The following SCARB2 variants were observed in gnomAD, a reference collection of about 807,000 sequenced individuals.
SCARB2 encodes scavenger receptor class B member 2, also known as lysosome membrane protein 2.
In SCARB2, 29 loss-of-function variants were observed where a neutral mutation model predicts 58.6. That is an observed-to-expected ratio of 0.49 (90% CI 0.37 to 0.67). The LOEUF (loss-of-function observed/expected upper bound fraction) is 0.67. SCARB2 is among the 30% of genes least tolerant of loss of function. The pLI, the probability that SCARB2 is intolerant of heterozygous loss-of-function variation, is 0.00. For missense variants in SCARB2, 488 were observed against 578.5 expected, an observed-to-expected ratio of 0.84 and a Z score of 1.60; for synonymous variants, 195 against 210.1, an observed-to-expected ratio of 0.93 and a Z score of 0.62.
chr4:76,179,350 G>A (rs747921041), intron 4 of SCARB2, 167 bp downstream of exon 4: 15 of 624,806 alleles, frequency 2.4e-5, no homozygotes, highest in Middle Eastern at 4.3e-4. Context: ...CACCGCACCC[G>A]GCCTCAAGTT....
chr4:76,221,821 G>A (rs1290201469), intron 1 of SCARB2, among the ~76,000 whole-genome samples: 1 of 152,080 alleles, frequency 6.6e-6, no homozygotes, highest in Non-Finnish European at 1.5e-5. Context: ...TCACTACCTG[G>A]GTGACAGGAT....
chr4:76,224,171 A>G (rs1733354908), intron 1 of SCARB2, among the ~76,000 whole-genome samples: 1 of 152,262 alleles, frequency 6.6e-6, no homozygotes, highest in South Asian at 2.1e-4. Context: ...CTAGGCAGAT[A>G]CAGTCCATTA....
At chr4:76,176,688 G>T in intron 4 of SCARB2, 160 bp from the exon 5 acceptor site, 1 of 604,700 alleles carries the variant, frequency 1.7e-6, no homozygotes, top group Non-Finnish European at 2.9e-6. Flanking sequence ...TAACTTTAAG[G>T]GAGGTTACCC....
chr4:76,166,434 G>T, intron 9 of SCARB2, 133 bp from the exon 10 acceptor site: 1 of 935,294 alleles, frequency 1.1e-6, no homozygotes, highest in Non-Finnish European at 1.7e-6. Flanking sequence ...TGATTTCTTA[G>T]TTATCTTTGC....
Position 76,198,143 on chromosome 4 carries a change from T to C in SCARB2, c.118-2279A>G, listed in dbSNP as rs145368609. ...TCCTATTACTGTCAGGACAGTTGAG[T>C]GAGCACTCTGTATTCCTGCCTAATT... On this transcript the variant is annotated intron_variant, in intron 1 of 11. Transcript: ENST00000264896. Among the ~76,000 whole-genome samples the C allele has an allele frequency of 3.6e-4, 55 of 152,320 alleles. No homozygotes were observed. The East Asian group carries it at 9.4e-3, about 26-fold the overall frequency.
At chr4:76,169,645 G>A (rs1427925603) in intron 8 of SCARB2, among the ~76,000 whole-genome samples, 1 of 152,114 alleles carries the variant, frequency 6.6e-6, no homozygotes, top group Non-Finnish European at 1.5e-5. Flanking sequence ...TTTTGTTAAA[G>A]GCAGGTTTGC....
chr4:76,227,543 T>C (rs1265743931), intron 1 of SCARB2, among the ~76,000 whole-genome samples: 2 of 152,200 alleles, frequency 1.3e-5, no homozygotes, highest in African/African-American at 4.8e-5. Flanking sequence ...TCTGTAAATA[T>C]CTATCTGGGG....
At chr4:76,228,949 CTT>C (rs1365275373) in intron 1 of SCARB2, among the ~76,000 whole-genome samples, 2 of 152,132 alleles carry the variant, frequency 1.3e-5, no homozygotes, top group African/African-American at 4.8e-5. Flanking sequence ...TTAAATTTCT[CTT>C]CTTCCACAGG....
At chr4:76,185,234 T>C (rs1732461955) in intron 2 of SCARB2, among the ~76,000 whole-genome samples, 1 of 152,174 alleles carries the variant, frequency 6.6e-6, no homozygotes, top group Admixed American at 6.5e-5. Context: ...AGCCAAACTT[T>C]TGTGTAAGCC....
At chr4:76,198,841 AGTGTGTGTGTGT>A (rs10545527) in intron 1 of SCARB2, among the ~76,000 whole-genome samples, 15 of 141,114 alleles carry the variant, frequency 1.1e-4, no homozygotes, top group East Asian at 6.2e-4. Context: ...AGAGTGAGTG[AGTGTGTGTGTGT>A]GTGTGTGTGT....
chr4:76,214,045 C>T (rs1733146628), upstream of SCARB2: 2 of 328,000 alleles, frequency 6.1e-6, no homozygotes, highest in South Asian at 4.3e-5. Context: ...CTCCCAGCGC[C>T]CTGCACCGCA....
chr4:76,163,302 T>C lies in SCARB2; in HGVS notation c.1321A>G (p.Ile441Val). The change falls in exon 11 of 12, where the codon ATC (isoleucine) becomes GTC (valine). Residue 441 changes from isoleucine to valine, a missense_variant. Coordinates refer to ENST00000264896, the MANE Select transcript of SCARB2 (RefSeq NM_005506.4). ...AAGAACACACCCAGCGCCATGATGATGTAGGGTATGTTGGTGATGATCAAA... is the reference window on the plus strand; with the variant it reads ...AAGAACACACCCAGCGCCATGATGACGTAGGGTATGTTGGTGATGATCAAA... ...TTLIITNIPY[I>V]IMALGVFFGL... The C allele has an allele frequency of 6.2e-7, 1 of 1,614,138 alleles. No individual in the cohort carries two copies. The highest frequency in any genetic ancestry group is 8.5e-7 in the Non-Finnish European group (1 of 1,179,996).
intron 10 of SCARB2, chr4:76,163,763 A>C: frequency 3.0e-6 from 1 of 329,860 alleles, no homozygotes. Context: ...CCTCCTCCCT[A>C]AGTTTCCATC....
At chr4:76,222,095 G>T (rs1306200105) in intron 1 of SCARB2, among the ~76,000 whole-genome samples, 1 of 152,234 alleles carries the variant, frequency 6.6e-6, no homozygotes, top group Non-Finnish European at 1.5e-5. Context: ...TTTCAGGGAG[G>T]CTGGGCAGGC....
At chr4:76,226,062 G>A (rs1420364549) in intron 1 of SCARB2, among the ~76,000 whole-genome samples, 1 of 152,064 alleles carries the variant, frequency 6.6e-6, no homozygotes, top group Non-Finnish European at 1.5e-5. Context: ...TGTTTGTTGG[G>A]GTGATCAGAC....
chr4:76,170,538 GTTTTT>G (rs1167271268), intron 7 of SCARB2, among the ~76,000 whole-genome samples: 1 of 151,340 alleles, frequency 6.6e-6, no homozygotes, highest in African/African-American at 2.5e-5. Context: ...ATTTTTGGTG[GTTTTT>G]TGTTTTGTTT....
chr4:76,188,980 T>G (rs565389969), intron 2 of SCARB2, among the ~76,000 whole-genome samples: 81 of 152,352 alleles, frequency 5.3e-4, no homozygotes, highest in African/African-American at 1.8e-3. Context: ...GTCCTATGGT[T>G]CCGGCTATTA....
At chr4:76,209,576 C>G (rs1335393682) in intron 1 of SCARB2, among the ~76,000 whole-genome samples, 1 of 152,132 alleles carries the variant, frequency 6.6e-6, no homozygotes, top group African/African-American at 2.4e-5. Context: ...ACCATATTGG[C>G]CAGGCTGGTC....
upstream of SCARB2, chr4:76,217,815 A>C: frequency 2.5e-6 from 1 of 403,218 alleles, no homozygotes; most frequent in East Asian, 3.5e-5. Flanking sequence ...AAGTACACTT[A>C]ATGAATGATT....
Sources: allele counts gnomAD v4.1 joint callset (sites outside exome capture counted in the v4.1 genomes callset), GRCh38; gene constraint gnomAD v4.1.1; transcripts MANE v1.5; gene names NCBI Gene and HGNC (gene_info 2026-07-23, HGNC 2026-07-21).